NUP160: variants seen among roughly 807,000 people sequenced by gnomAD.
The protein encoded by NUP160 is nuclear pore complex protein Nup160.
In NUP160, 94 loss-of-function variants were observed where a neutral mutation model predicts 196.9. The ratio of observed to expected loss-of-function variants is 0.48; its 90% CI spans 0.40 to 0.57. The LOEUF (loss-of-function observed/expected upper bound fraction) is 0.57. Among genes scored for constraint, NUP160 ranks in the 20% least tolerant of loss-of-function variants. The probability of loss-of-function intolerance (pLI) is 0.00; values close to 1 mark genes in which losing one functional copy is unlikely to be tolerated. For missense variants in NUP160, 1,638 were observed against 1,748.3 expected (o/e 0.94, Z 1.13); for synonymous variants, 605 against 619.7 (o/e 0.98, Z 0.35).
At chr11:47,827,918 T>G (rs9633830) in intron 7 of NUP160, among the ~76,000 whole-genome samples, 52,692 of 152,050 alleles carry the variant, frequency 0.35, 10,565 homozygotes, top group South Asian at 0.52. Flanking sequence ...TTGCTCAGGT[T>G]GAAGTACAGT....
chr11:47,792,925 T>C, exon 28 of NUP160: 1 of 1,613,624 alleles, frequency 6.2e-7, no homozygotes, highest in African/African-American at 1.3e-5. Context: ...CCGCATTCCA[T>C]ACTCAAACAT....
chr11:47,810,137 C>G (rs1270664885), intron 17 of NUP160, among the ~76,000 whole-genome samples: 1 of 152,050 alleles, frequency 6.6e-6, no homozygotes, highest in African/African-American at 2.4e-5. Context: ...ACCAACCTAA[C>G]AGACTTTCAG....
intron 19 of NUP160, chr11:47,806,527 A>G (rs2097677753): frequency 2.1e-6 from 1 of 465,240 alleles, no homozygotes. Context: ...TTCACATCAA[A>G]GTTATAGTCA....
At chr11:47,813,507 C>A in intron 13 of NUP160, 92 bp from the exon 14 acceptor site, 2 of 773,680 alleles carry the variant, frequency 2.6e-6, no homozygotes, top group South Asian at 3.1e-5. Flanking sequence ...GAGGCAAACC[C>A]AAGTTGCAAT....
intron 23 of NUP160, among the ~76,000 whole-genome samples, chr11:47,799,128 C>T (rs537808163): frequency 6.6e-6 from 1 of 151,902 alleles, no homozygotes; most frequent in African/African-American, 2.4e-5. Context: ...CTCTGTCAAT[C>T]AGACTGGAGC....
intron 17 of NUP160, among the ~76,000 whole-genome samples, chr11:47,811,265 T>C (rs2097680933): frequency 1.3e-5 from 2 of 152,044 alleles, no homozygotes; most frequent in South Asian, 4.1e-4. Context: ...TCCCAGCACT[T>C]TGGGAGGCCG....
At position 47,801,382 on chromosome 11, in the gene NUP160, G is replaced by A. The variant is rs564463722; in HGVS notation, c.2895+429C>T. ...TGTTTTTTTTTGGAGACGGAGTCTC[G>A]CTCTGTCACCCAGGCTAGAGTGCAG... On this transcript the variant is annotated intron_variant, in intron 23 of 35. Coordinates refer to ENST00000378460, the Ensembl canonical transcript of NUP160. 9.8e-4 allele frequency among the ~76,000 whole-genome samples: 149 copies of A among 151,692 alleles called. 1 individual carries two copies. The highest frequency in any genetic ancestry group is 3.3e-3 in the African/African-American group (137 of 41,352).
At chr11:47,788,437 G>T in intron 30 of NUP160, 64 bp downstream of exon 30, 1 of 1,540,580 alleles carries the variant, frequency 6.5e-7, no homozygotes, top group Non-Finnish European at 9.0e-7. Flanking sequence ...TACATACACT[G>T]CCTGGACCTA....
At chr11:47,796,152 T>TC (rs767511118) in intron 27 of NUP160, 70 of 118,706 alleles carry the variant, frequency 5.9e-4, no homozygotes, top group African/African-American at 2.0e-3. Flanking sequence ...AGACTTCATC[T>TC]AAAAAAAAAA....
At chr11:47,816,064 T>A (rs775977442) in intron 11 of NUP160, 35 bp from the exon 12 acceptor site, 2 of 1,391,774 alleles carry the variant, frequency 1.4e-6, no homozygotes, top group South Asian at 2.3e-5. Flanking sequence ...TTCTATATAA[T>A]AGCCAAAACT....
At chr11:47,806,311 T>C in exon 20 of NUP160, 1 of 1,608,036 alleles carries the variant, frequency 6.2e-7, no homozygotes, top group East Asian at 2.2e-5. Context: ...GAGGACTAGA[T>C]ACTTAAAAAG....
chr11:47,798,421 T>C, exon 24 of NUP160: 1 of 1,611,438 alleles, frequency 6.2e-7, no homozygotes, highest in Non-Finnish European at 8.5e-7. Context: ...GCCAACTGAA[T>C]AACCAGTTCA....
chr11:47,814,750 T>A (rs7131262), intron 13 of NUP160, among the ~76,000 whole-genome samples: 33,567 of 152,084 alleles, frequency 0.22, 4,741 homozygotes, highest in South Asian at 0.46. Flanking sequence ...CTGAAATATT[T>A]AAGGATATTT....
chr11:47,802,222 G>A (rs1056932142), intron 22 of NUP160, among the ~76,000 whole-genome samples: 1 of 151,874 alleles, frequency 6.6e-6, no homozygotes, highest in Admixed American at 6.6e-5. Context: ...CACGAGGTGA[G>A]GAGTTTGAGA....
chr11:47,800,051 C>T (rs945237523), intron 23 of NUP160, among the ~76,000 whole-genome samples: 28 of 151,892 alleles, frequency 1.8e-4, no homozygotes, highest in African/African-American at 2.7e-4. Flanking sequence ...GCCAGGAGTT[C>T]GAGACCAGCC....
intron 7 of NUP160, among the ~76,000 whole-genome samples, chr11:47,824,026 TATATATATATATATATATATATATATAC>T (rs966083441): frequency 8.6e-6 from 1 of 116,678 alleles, no homozygotes; most frequent in Non-Finnish European, 1.8e-5. Context: ...TATATATATA[TATATATATATATATATATATATATATAC>T]ACACACACAT....
At chr11:47,816,576 A>G (rs914047141) in intron 11 of NUP160, among the ~76,000 whole-genome samples, 1 of 152,024 alleles carries the variant, frequency 6.6e-6, no homozygotes, top group South Asian at 2.1e-4. Context: ...GGAGTTCGAG[A>G]CAAGCTTGGC....
At chr11:47,812,559 A>G (rs2097681779) in intron 15 of NUP160, 130 bp from the exon 16 acceptor site, 3 of 929,942 alleles carry the variant, frequency 3.2e-6, no homozygotes, top group Non-Finnish European at 4.8e-6. Flanking sequence ...ACTCTGGCAT[A>G]TAAGATACAG....
At chr11:47,820,876 G>C (rs1217908314) in intron 9 of NUP160, among the ~76,000 whole-genome samples, 1 of 152,014 alleles carries the variant, frequency 6.6e-6, no homozygotes, top group African/African-American at 2.4e-5. Context: ...TAGAGACAAG[G>C]TCTTGCTATG....
Sources: gnomAD v4.1 joint callset for allele counts (sites outside exome capture counted in the v4.1 genomes callset) on GRCh38, gnomAD v4.1.1 for gene constraint, MANE v1.5 for transcripts, NCBI Gene and HGNC (gene_info 2026-07-23, HGNC 2026-07-21) for gene names.